The following PHACTR1 variants were observed in gnomAD, a reference collection of about 807,000 sequenced individuals.
The protein encoded by PHACTR1 is RPEL repeat containing 1.
A neutral mutation model predicts 69.2 loss-of-function variants in PHACTR1; 16 were observed. That is an observed-to-expected ratio of 0.23 (90% CI 0.16 to 0.35). The LOEUF is 0.35. Ranked by LOEUF, PHACTR1 falls within the 10% of genes least tolerant of loss-of-function variation. The pLI is 1.00. For synonymous variants in PHACTR1, 312 were observed against 284.5 expected (o/e 1.10, Z -0.97); for missense variants, 510 against 734.7 (o/e 0.69, Z 3.54).
intron 4 of PHACTR1, among the ~76,000 whole-genome samples, chr6:12,810,557 C>T (rs1279241696): frequency 6.6e-6 from 1 of 152,186 alleles, no homozygotes; most frequent in Non-Finnish European, 1.5e-5. Flanking sequence ...TCCTGAGACT[C>T]CATACCTGGG....
At chr6:12,983,153 C>T (rs995030487) in intron 4 of PHACTR1, among the ~76,000 whole-genome samples, 11 of 152,308 alleles carry the variant, frequency 7.2e-5, no homozygotes, top group African/African-American at 2.6e-4. Context: ...TAATTTAATG[C>T]TTGCTGCAAG....
chr6:13,151,120 T>A (rs1302608186), intron 5 of PHACTR1, among the ~76,000 whole-genome samples: 1 of 152,236 alleles, frequency 6.6e-6, no homozygotes, highest in Non-Finnish European at 1.5e-5. Flanking sequence ...AGCTATAGAT[T>A]TGACTTGCAA....
intron 4 of PHACTR1, among the ~76,000 whole-genome samples, chr6:12,786,036 T>A (rs1771502761): frequency 6.6e-6 from 1 of 152,210 alleles, no homozygotes; most frequent in African/African-American, 2.4e-5. Flanking sequence ...AAAAACTTCT[T>A]CCCCATGCGT....
At chr6:13,238,776 A>C (rs535120931) in intron 10 of PHACTR1, among the ~76,000 whole-genome samples, 1 of 152,118 alleles carries the variant, frequency 6.6e-6, no homozygotes, top group Non-Finnish European at 1.5e-5. Context: ...GTGAGCTGGC[A>C]TCTCCCCTGG....
At chr6:12,989,142 A>C (rs1367777510) in intron 4 of PHACTR1, among the ~76,000 whole-genome samples, 2 of 152,232 alleles carry the variant, frequency 1.3e-5, no homozygotes, top group African/African-American at 4.8e-5. Context: ...TGCCTGTGAA[A>C]TACTAATACA....
At chr6:12,822,062 A>G (rs1345700862) in intron 4 of PHACTR1, among the ~76,000 whole-genome samples, 3 of 152,058 alleles carry the variant, frequency 2.0e-5, no homozygotes, top group Non-Finnish European at 4.4e-5. Context: ...CCCCCAGGAG[A>G]GTTTATCATG....
chr6:13,128,099 G>A (rs989086538), intron 5 of PHACTR1, among the ~76,000 whole-genome samples: 3 of 149,610 alleles, frequency 2.0e-5, no homozygotes, highest in African/African-American at 7.4e-5. Context: ...GCAGCATGGG[G>A]GTAATTATGG....
At chr6:13,145,125 A>G (rs1823131847) in intron 5 of PHACTR1, among the ~76,000 whole-genome samples, 1 of 152,216 alleles carries the variant, frequency 6.6e-6, no homozygotes, top group African/African-American at 2.4e-5. Flanking sequence ...CTTTGGTATA[A>G]AAGTCTTGTT....
chr6:13,050,916 C>T (rs539460660), intron 4 of PHACTR1, among the ~76,000 whole-genome samples: 35 of 152,264 alleles, frequency 2.3e-4, no homozygotes, highest in African/African-American at 7.5e-4. Context: ...TCCCACCTGG[C>T]TGAATCCCAT....
chr6:12,806,041 C>T (rs1435398490), intron 4 of PHACTR1, among the ~76,000 whole-genome samples: 3 of 152,176 alleles, frequency 2.0e-5, no homozygotes, highest in Admixed American at 2.0e-4. Context: ...TGGTCTCCTA[C>T]CCCTTTTTCC....
intron 4 of PHACTR1, among the ~76,000 whole-genome samples, chr6:12,837,710 C>A (rs770649360): frequency 6.6e-6 from 1 of 152,206 alleles, no homozygotes; most frequent in Non-Finnish European, 1.5e-5. Context: ...CAGCAACATT[C>A]TCTATAAAAT....
intron 8 of PHACTR1, among the ~76,000 whole-genome samples, chr6:13,216,116 A>G (rs1767637640): frequency 6.6e-6 from 1 of 152,222 alleles, no homozygotes; most frequent in Admixed American, 6.5e-5. Context: ...TGGACAGAAG[A>G]AATTGAAATC....
chr6:13,008,245 G>A (rs1253961273), intron 4 of PHACTR1, among the ~76,000 whole-genome samples: 1 of 152,198 alleles, frequency 6.6e-6, no homozygotes, highest in Non-Finnish European at 1.5e-5. Flanking sequence ...TGGTGGAAAA[G>A]CCTCACTTGC....
chr6:12,795,736 TTG>T (rs771224634), intron 4 of PHACTR1, among the ~76,000 whole-genome samples: 8 of 125,888 alleles, frequency 6.4e-5, no homozygotes, highest in Non-Finnish European at 1.0e-4. Context: ...GGTTTTTGAG[TTG>T]TTTTTTTTTT....
At chr6:12,781,679 C>T (rs903029415) in intron 4 of PHACTR1, among the ~76,000 whole-genome samples, 1 of 152,182 alleles carries the variant, frequency 6.6e-6, no homozygotes, top group Non-Finnish European at 1.5e-5. Flanking sequence ...CCTTTAACAT[C>T]GGCTCCAGGA....
intron 4 of PHACTR1, among the ~76,000 whole-genome samples, chr6:13,036,630 T>C (rs541828557): frequency 2.4e-4 from 37 of 152,302 alleles, no homozygotes; most frequent in African/African-American, 8.9e-4. Context: ...GAGATAAACT[T>C]ACAACCAAGA....
At chr6:12,859,643 T>A (rs139463270) in intron 4 of PHACTR1, among the ~76,000 whole-genome samples, 1 of 152,318 alleles carries the variant, frequency 6.6e-6, no homozygotes, top group East Asian at 1.9e-4. Flanking sequence ...AAGAACCGTG[T>A]GTGCAAGGTT....
intron 4 of PHACTR1, among the ~76,000 whole-genome samples, chr6:12,960,209 A>G (rs1413415116): frequency 6.6e-6 from 1 of 152,238 alleles, no homozygotes; most frequent in Non-Finnish European, 1.5e-5. Flanking sequence ...CTGTATGGGA[A>G]GTAAATTATA....
chr6:13,045,420 G>C (rs979390020), intron 4 of PHACTR1, among the ~76,000 whole-genome samples: 4 of 152,086 alleles, frequency 2.6e-5, no homozygotes, highest in Admixed American at 2.6e-4. Context: ...CATCAGCACC[G>C]ATACCTAAGG....
Sources: gnomAD v4.1 joint callset for allele counts (sites outside exome capture counted in the v4.1 genomes callset) on GRCh38, gnomAD v4.1.1 for gene constraint, MANE v1.5 for transcripts, NCBI Gene and HGNC (gene_info 2026-07-23, HGNC 2026-07-21) for gene names.